SLC6A3: variants seen among roughly 807,000 people sequenced by gnomAD.
SLC6A3 encodes the protein sodium-dependent dopamine transporter.
Under a neutral mutation model 70.4 loss-of-function variants are expected in SLC6A3, and 19 were observed. The ratio of observed to expected loss-of-function variants is 0.27; its 90% CI spans 0.19 to 0.40. The LOEUF is 0.40. SLC6A3 is among the 10% of genes least tolerant of loss of function. The pLI, the probability that SLC6A3 is intolerant of heterozygous loss-of-function variation, is 1.00. For synonymous variants in SLC6A3, 368 were observed against 356.6 expected, an observed-to-expected ratio of 1.03 and a Z score of -0.36; for missense variants, 613 against 838.5, an observed-to-expected ratio of 0.73 and a Z score of 3.32.
Position 1,406,354 on chromosome 5 carries a change from T to TG in SLC6A3, c.1499-67dup. 2 of 1,362,140 alleles carry TG rather than the reference T, an allele frequency of 1.5e-6. No individual in the cohort carries two copies. Among genetic ancestry groups the TG allele is most frequent in the Non-Finnish European group, 2.1e-6 (2 of 951,418 alleles). 84.4% of individuals were successfully genotyped at this position (1,362,140 alleles called of 1,614,324 possible). On this transcript the variant is annotated intron_variant, in intron 11 of 14. Coordinates refer to ENST00000270349, the MANE Select transcript of SLC6A3 (RefSeq NM_001044.5). The surrounding 1 kb of genome is among the most constrained non-coding windows in gnomAD (Gnocchi z 8.8). Reference sequence around the variant, plus strand: ...GCATTCCCCCGATGCTGGACACGTGTGGGGGTCCTCGCTGACTCCCAAGGG... The same window carrying TG: ...GCATTCCCCCGATGCTGGACACGTGTGGGGGGTCCTCGCTGACTCCCAAGGG...
At chr5:1,398,205 A>C (rs1165709984) in intron 14 of SLC6A3, among the ~76,000 whole-genome samples, 1 of 152,084 alleles carries the variant, frequency 6.6e-6, no homozygotes, top group East Asian at 1.9e-4. Flanking sequence ...TACTAAAAAC[A>C]CAAAAATTAT....
chr5:1,407,993 T>A (rs552512900), intron 11 of SLC6A3, among the ~76,000 whole-genome samples: 20 of 141,560 alleles, frequency 1.4e-4, no homozygotes, highest in Non-Finnish European at 2.4e-4. Flanking sequence ...TTCAGCCGGA[T>A]CCACACATTT....
chr5:1,430,010 C>T (rs1273396384), intron 4 of SLC6A3, among the ~76,000 whole-genome samples: 3 of 152,206 alleles, frequency 2.0e-5, no homozygotes, highest in African/African-American at 4.8e-5. Flanking sequence ...CTGTCACCCA[C>T]GAGAGTCCTG....
chr5:1,432,369 G>A (rs1756723691), intron 4 of SLC6A3, 95 bp downstream of exon 4: 3 of 873,388 alleles, frequency 3.4e-6, no homozygotes, highest in Non-Finnish European at 5.7e-6. Context: ...CCCGCACCCT[G>A]GGAGTCAGCA....
chr5:1,398,724 A>G (rs1755777870), intron 14 of SLC6A3, among the ~76,000 whole-genome samples: 1 of 152,240 alleles, frequency 6.6e-6, no homozygotes, highest in Non-Finnish European at 1.5e-5. Flanking sequence ...TTTGTCCCAG[A>G]CAAGTCAGAC....
At chr5:1,435,336 T>A (rs1480095225) in intron 3 of SLC6A3, among the ~76,000 whole-genome samples, 1 of 152,210 alleles carries the variant, frequency 6.6e-6, no homozygotes, top group Non-Finnish European at 1.5e-5. Context: ...GATGCCCAAT[T>A]TGAAAATTTT....
At chr5:1,399,838 GC>G (rs1329817968) in intron 14 of SLC6A3, among the ~76,000 whole-genome samples, 1 of 152,178 alleles carries the variant, frequency 6.6e-6, no homozygotes, top group Non-Finnish European at 1.5e-5. Flanking sequence ...CTGCCTCCCG[GC>G]CTGTTCCCTG....
At chr5:1,399,444 A>C (rs967795781) in intron 14 of SLC6A3, among the ~76,000 whole-genome samples, 10 of 152,246 alleles carry the variant, frequency 6.6e-5, no homozygotes, top group Non-Finnish European at 1.2e-4. Context: ...AGTAGATCCA[A>C]GAAAAAGAGA....
rs1454240156 is a variant in SLC6A3 at position 1,408,760 on chromosome 5, C to G, written c.1498+266G>C. Among the ~76,000 whole-genome samples the G allele has an allele frequency of 1.3e-5, 2 of 152,220 alleles. No individual in the cohort carries two copies. The highest frequency in any genetic ancestry group is 2.9e-5 in the Non-Finnish European group (2 of 68,042). ...GGGTGGGATGGGCTCACCGGTGCCTCTAGCGTGGAGGAGGCAGAAGACGCC... is the reference window on the plus strand; with the variant it reads ...GGGTGGGATGGGCTCACCGGTGCCTGTAGCGTGGAGGAGGCAGAAGACGCC... On this transcript the variant is annotated intron_variant, in intron 11 of 14. Coordinates refer to ENST00000270349, the MANE Select transcript of SLC6A3 (RefSeq NM_001044.5). The surrounding 1 kb of genome is among the most constrained non-coding windows in gnomAD (Gnocchi z 6.4).
In SLC6A3 at chr5:1,417,148, A is replaced by G. The variant is rs573516594; in HGVS notation, c.928-947T>C. On this transcript the variant is annotated intron_variant, in intron 6 of 14. Coordinates refer to ENST00000270349, the MANE Select transcript of SLC6A3 (RefSeq NM_001044.5). ...ATGGCAGTGCCCTGAAACCCTCAGA[A>G]CAGCACAGACTCAACCACAGGCTAC... 3.3e-5 allele frequency among the ~76,000 whole-genome samples: 5 copies of G among 152,014 alleles called. No individual in the cohort carries two copies. The East Asian group carries it at 9.7e-4, about 30-fold the overall frequency.
intron 4 of SLC6A3, among the ~76,000 whole-genome samples, chr5:1,424,567 A>G (rs995855979): frequency 1.3e-5 from 2 of 152,208 alleles, no homozygotes; most frequent in South Asian, 4.1e-4. Context: ...CAGACCAGAC[A>G]GCACACCCTC....
In SLC6A3 at chr5:1,413,955, A is replaced by G. The variant is rs1414264087; in HGVS notation, c.1156+736T>C. ...CTTGCTGTGGCCAAGGCCTCCCCCC[A>G]CCACTCACCTGTGCCTGCCCGAGAC... On this transcript the variant is annotated intron_variant, in intron 8 of 14. Transcript: ENST00000270349. This position sits in a 1 kb window ranked among gnomAD's most constrained non-coding sequence, Gnocchi z 7.1. Among the ~76,000 whole-genome samples, 1 of 151,296 alleles carries G rather than the reference A, an allele frequency of 6.6e-6. No individual in the cohort carries two copies. The highest frequency in any genetic ancestry group is 1.5e-5 in the Non-Finnish European group (1 of 67,782).
chr5:1,403,209 G>C, intron 12 of SLC6A3, 120 bp from the exon 13 acceptor site: 1 of 1,195,590 alleles, frequency 8.4e-7, no homozygotes, highest in East Asian at 2.6e-5. Context: ...TGCAGGTGCA[G>C]ACCCCGGCCA....
rs1756409973 is a variant in SLC6A3 at position 1,420,612 on chromosome 5, C to T, written c.884G>A (p.Arg295Lys). ...VTLPGAIDGI[R>K]AYLSVDFYRL... The stretch of plus-strand genomic sequence containing the variant: ...GTAGAAGTCAACGCTCAGGTATGCT[C>T]TGATGCCGTCTATGGCTCCAGGGAG... Residue 295 changes from arginine (R) to lysine (K), a missense_variant, in exon 6 of 15, where the codon AGA (arginine) becomes AAA (lysine). Transcript: ENST00000270349. 6.2e-7 allele frequency: 1 copy of T among 1,613,662 alleles called. No individual in the cohort carries two copies.
chr5:1,414,919 G>A lies in SLC6A3; in HGVS notation c.1032-104C>T. On this transcript the variant is annotated intron_variant, in intron 7 of 14. Coordinates refer to ENST00000270349, the MANE Select transcript of SLC6A3 (RefSeq NM_001044.5). ...ACTGTGTCTGGGGAAGGGGGCGGGA[G>A]GTCTTCGGAGGGGCTACTTTTCCCA... 2.8e-6 allele frequency: 4 copies of A among 1,447,646 alleles called. No individual in the cohort carries two copies. The South Asian group carries it at 3.5e-5, about 13-fold the overall frequency. The allele number at this position is 1,447,646 out of a possible 1,614,324, so 89.7% of individuals were successfully genotyped here.
rs145813384 is a variant in SLC6A3 at position 1,432,547 on chromosome 5, C to T, written c.570G>A (p.Ser190=). The T allele has an allele frequency of 5.1e-5, 82 of 1,614,092 alleles. No individual in the cohort carries two copies. Among genetic ancestry groups the T allele is most frequent in the Middle Eastern group, 3.3e-4 (2 of 6,084 alleles). ...CACTGGAGTCACCAGGATGGGCATC[C>T]GAGCAGTTGGGGCTGTTCCAGGAGT... The part of the protein sequence containing the change: ...CNNSWNSPNC[S]DAHPGDSSGD... Residue 190 remains serine (S), a synonymous_variant, in exon 4 of 15, where the codon TCG becomes TCA. Coordinates refer to ENST00000270349, the MANE Select transcript of SLC6A3 (RefSeq NM_001044.5).
chr5:1,440,090 G>A (rs146838393), intron 3 of SLC6A3, among the ~76,000 whole-genome samples: 21 of 152,298 alleles, frequency 1.4e-4, no homozygotes, highest in East Asian at 5.8e-4. Flanking sequence ...ATCAGCAGCC[G>A]GAAAGGTTCA....
At position 1,441,504 on chromosome 5, in the gene SLC6A3, A is replaced by G. The variant is rs1276557822; in HGVS notation, c.287-14T>C. 6.2e-7 allele frequency: 1 copy of G among 1,613,472 alleles called. No individual in the cohort carries two copies. Among genetic ancestry groups the G allele is most frequent in the South Asian group, 1.1e-5 (1 of 91,070 alleles). ...CCAGGAAGGCACCTGTGGGGCAGAA[A>G]AGCACCTTTAGTTTGGGGCCTCGGA... is the stretch of plus-strand genomic sequence containing the variant. On this transcript the variant is annotated splice_polypyrimidine_tract_variant and intron_variant, in intron 2 of 14. Coordinates refer to ENST00000270349, the MANE Select transcript of SLC6A3 (RefSeq NM_001044.5).
In SLC6A3 at chr5:1,396,055, G is replaced by T. The variant is rs1171742908; in HGVS notation, c.1840-1297C>A. Among the ~76,000 whole-genome samples, 1 of 152,198 alleles carries T rather than the reference G, an allele frequency of 6.6e-6. No individual in the cohort carries two copies. The highest frequency in any genetic ancestry group is 1.5e-5 in the Non-Finnish European group (1 of 68,034). On this transcript the variant is annotated intron_variant, in intron 14 of 14. Coordinates refer to ENST00000270349, the MANE Select transcript of SLC6A3 (RefSeq NM_001044.5). This position sits in a 1 kb window ranked among gnomAD's most constrained non-coding sequence, Gnocchi z 7.0. The stretch of plus-strand genomic sequence containing the variant: ...CCACATAGGGGACTCTCAGAAAAGT[G>T]ACACACGCACATCACAGTGATGAGA...
Sources: allele counts gnomAD v4.1 joint callset (sites outside exome capture counted in the v4.1 genomes callset), GRCh38; gene constraint gnomAD v4.1.1; non-coding constraint Gnocchi (gnomAD v3.1); transcripts MANE v1.5; gene names NCBI Gene and HGNC (gene_info 2026-07-23, HGNC 2026-07-21).